OSCP1: variants seen among roughly 807,000 people sequenced by gnomAD.
The protein encoded by OSCP1 is protein OSCP1.
In OSCP1, 35 loss-of-function variants were observed where a neutral mutation model predicts 45.1. The observed-to-expected ratio is 0.78, with a 90% confidence interval of 0.59 to 1.03. The LOEUF is 1.03. Ranked by LOEUF, OSCP1 falls within the 50% of genes least tolerant of loss-of-function variation. OSCP1 has a pLI of 0.00. For missense variants in OSCP1, 400 were observed against 470.7 expected, an observed-to-expected ratio of 0.85 and a Z score of 1.39; for synonymous variants, 179 against 180.1, an observed-to-expected ratio of 0.99 and a Z score of 0.05.
At position 36,428,207 on chromosome 1, in the gene OSCP1, A is replaced by AG. The variant is rs1254657677; in HGVS notation, c.516+3594_516+3595insC. The AG allele has an allele frequency of 7.4e-6, 10 of 1,355,214 alleles. No individual in the cohort carries two copies. The African/African-American group carries it at 9.0e-5, about 12-fold the overall frequency. The allele number at this position is 1,355,214 out of a possible 1,614,324, so 83.9% of individuals were successfully genotyped here. A position where few individuals can be genotyped will look rare whatever the true frequency, so the allele number is the denominator to read the frequency against. ...TGCATCTCAAAAAAAAAAAAAAAAA[A>AG]AAAGAAAGAAAAATTTGGCATCAGA... On this transcript the variant is annotated intron_variant, in intron 4 of 9. Coordinates refer to ENST00000235532, the MANE Select transcript of OSCP1 (RefSeq NM_145047.5).
intron 4 of OSCP1, among the ~76,000 whole-genome samples, chr1:36,424,875 A>T (rs1449077952): frequency 6.6e-6 from 1 of 152,220 alleles, no homozygotes; most frequent in Non-Finnish European, 1.5e-5. Context: ...TAATATAATC[A>T]AGAATAAGTA....
At chr1:36,443,784 G>A (rs10908303) in intron 1 of OSCP1, among the ~76,000 whole-genome samples, 40,226 of 152,144 alleles carry the variant, frequency 0.26, 5,946 homozygotes, top group Middle Eastern at 0.4. Context: ...TGGCTTTTTG[G>A]TCAGAGTTTG....
At chr1:36,439,579 A>C (rs1570539166) in intron 1 of OSCP1, among the ~76,000 whole-genome samples, 1 of 152,236 alleles carries the variant, frequency 6.6e-6, no homozygotes, top group East Asian at 1.9e-4. Context: ...CTTAAAATTA[A>C]ATATTATAAA....
intron 8 of OSCP1, 47 bp from the exon 9 acceptor site, chr1:36,419,101 C>T (rs772601316): frequency 2.6e-6 from 4 of 1,531,630 alleles, no homozygotes; most frequent in Non-Finnish European, 3.6e-6. Flanking sequence ...GGGTTCTTTC[C>T]CTGCCAGCAT....
At chr1:36,422,031 G>T in intron 7 of OSCP1, 119 bp downstream of exon 7, 2 of 948,668 alleles carry the variant, frequency 2.1e-6, no homozygotes, top group Non-Finnish European at 3.4e-6. Context: ...GGAGAAGATT[G>T]CACACAACAG....
Position 36,438,788 on chromosome 1 carries a change from T to A in OSCP1, c.235A>T (p.Ile79Phe). The change falls in exon 2 of 10, where the codon ATT (isoleucine) becomes TTT (phenylalanine). Residue 79 changes from isoleucine to phenylalanine, a missense_variant. Transcript: ENST00000235532. ...ATGCTGGCCTGGTTCAGTTTCATAA[T>A]GGAGGCATGAGCCAGGCGCTCATAG... ...TVYERLAHAS[I>F]MKLNQASMDK... 6.2e-7 allele frequency: 1 copy of A among 1,613,538 alleles called. No homozygotes were observed. The highest frequency in any genetic ancestry group is 1.1e-5 in the South Asian group (1 of 90,948).
chr1:36,418,949 G>A, intron 9 of OSCP1, 42 bp downstream of exon 9: 1 of 1,458,772 alleles, frequency 6.9e-7, no homozygotes, highest in Non-Finnish European at 9.5e-7. Flanking sequence ...AAAAGATGAG[G>A]AAGCGAATAC....
rs764458019 is a variant in OSCP1, at chr1:36,438,846, T to C, written c.177A>G (p.Gln59=). ...TCAGGGCCTTCTTGGAGTAGAGCTC[T>C]TGAGGCTTGAATAATTCCTCCATAA... ...RKFMEELFKP[Q]ELYSKKALRT... The change falls in exon 2 of 10, where the codon CAA becomes CAG. Residue 59 remains glutamine (Q), a synonymous_variant. Transcript: ENST00000235532. The C allele has an allele frequency of 1.9e-5, 30 of 1,614,068 alleles. No individual in the cohort carries two copies. The highest frequency in any genetic ancestry group is 2.5e-5 in the Non-Finnish European group (29 of 1,180,006).
At chr1:36,449,148 C>T (rs901350274) in intron 1 of OSCP1, among the ~76,000 whole-genome samples, 2 of 152,150 alleles carry the variant, frequency 1.3e-5, no homozygotes, top group Non-Finnish European at 2.9e-5. Context: ...TTTTAATTGG[C>T]GGCCATGTCA....
At chr1:36,430,603 CA>C (rs1012217297) in intron 4 of OSCP1, among the ~76,000 whole-genome samples, 1 of 149,628 alleles carries the variant, frequency 6.7e-6, no homozygotes, top group Non-Finnish European at 1.5e-5. Flanking sequence ...GACACTGCCT[CA>C]AAAAAAAAGG....
chr1:36,439,050 G>A, intron 1 of OSCP1, 140 bp from the exon 2 acceptor site: 2 of 844,804 alleles, frequency 2.4e-6, no homozygotes, highest in South Asian at 2.2e-5. Flanking sequence ...TCAGCTCCCT[G>A]AGGGGACCAC....
At position 36,431,858 on chromosome 1, in the gene OSCP1, C is replaced by T. The variant is rs150943653; in HGVS notation, c.460G>A (p.Glu154Lys). 9.7e-5 allele frequency: 156 copies of T among 1,613,230 alleles called. No homozygotes were observed. The highest frequency in any genetic ancestry group is 1.3e-4 in the Non-Finnish European group (148 of 1,179,996). Reference sequence around the variant, plus strand: ...AGTGTCTGCCGGATCAGCTGGAACTCCCCTGCAGAGAGACCACCATATATC... The same window carrying T: ...AGTGTCTGCCGGATCAGCTGGAACTTCCCTGCAGAGAGACCACCATATATC... ...TEIYGGLSAG[E>K]FQLIRQTLLI... Residue 154 changes from glutamate (E) to lysine (K), a missense_variant, in exon 4 of 10, where the codon GAG becomes AAG. Physicochemically the swap from Glu to Lys is moderately conservative, Grantham distance 56 (BLOSUM62 1). Transcript: ENST00000235532.
At position 36,447,915 on chromosome 1, in the gene OSCP1, A is replaced by G. The variant is rs1254328696; in HGVS notation, c.112+2343T>C. The G allele has an allele frequency of 4.4e-6, 2 of 453,060 alleles. No homozygotes were observed. Among genetic ancestry groups the G allele is most frequent in the Non-Finnish European group, 8.9e-6 (2 of 224,640 alleles). The allele number at this position is 453,060 out of a possible 1,614,324, so 28.1% of individuals were successfully genotyped here. On this transcript the variant is annotated intron_variant, in intron 1 of 9. Coordinates refer to ENST00000235532, the MANE Select transcript of OSCP1 (RefSeq NM_145047.5). This position sits in a 1 kb window ranked among gnomAD's most constrained non-coding sequence, Gnocchi z 4.1. ...GTGGAATGAATGAGTGTGCGAATGT[A>G]AATTACTAAAGATGGCCGAAACTCC...
chr1:36,436,759 T>C (rs1243001524), intron 2 of OSCP1, among the ~76,000 whole-genome samples: 1 of 152,204 alleles, frequency 6.6e-6, no homozygotes, highest in Non-Finnish European at 1.5e-5. Context: ...CCTGACATCC[T>C]ATTTCTGTTC....
At chr1:36,418,821 G>A (rs564435443) in intron 9 of OSCP1, among the ~76,000 whole-genome samples, 170 bp downstream of exon 9, 2 of 151,906 alleles carry the variant, frequency 1.3e-5, no homozygotes, top group East Asian at 1.9e-4. Context: ...CCAACTACTC[G>A]GCAGGCTGAG....
chr1:36,437,238 T>C (rs1273865306), intron 2 of OSCP1, among the ~76,000 whole-genome samples: 3 of 151,798 alleles, frequency 2.0e-5, no homozygotes, highest in African/African-American at 7.3e-5. Flanking sequence ...CTAAACAGAC[T>C]TGTCTGTCCT....
intron 2 of OSCP1, 126 bp from the exon 3 acceptor site, chr1:36,432,715 A>T: frequency 9.4e-7 from 1 of 1,063,116 alleles, no homozygotes; most frequent in Non-Finnish European, 1.4e-6. Context: ...AGCTCGGGGG[A>T]CCATATCACT....
chr1:36,444,221 A>G (rs566586554), intron 1 of OSCP1, among the ~76,000 whole-genome samples: 3 of 152,360 alleles, frequency 2.0e-5, no homozygotes, highest in South Asian at 2.1e-4. Context: ...GATAAACAAC[A>G]TATTTCAAAA....
chr1:36,421,385 C>T (rs1396461769), intron 7 of OSCP1, among the ~76,000 whole-genome samples: 1 of 152,186 alleles, frequency 6.6e-6, no homozygotes, highest in African/African-American at 2.4e-5. Flanking sequence ...ATTTCTCCCT[C>T]TCTGCTGTTT....
Sources: allele counts gnomAD v4.1 joint callset (sites outside exome capture counted in the v4.1 genomes callset), GRCh38; gene constraint gnomAD v4.1.1; non-coding constraint Gnocchi (gnomAD v3.1); transcripts MANE v1.5; gene names NCBI Gene and HGNC (gene_info 2026-07-23, HGNC 2026-07-21).